The following PTPRM variants were observed in gnomAD, a reference collection of about 807,000 sequenced individuals.
PTPRM encodes protein tyrosine phosphatase receptor type M.
PTPRM carries 47 observed loss-of-function variants against 186.7 expected under a neutral mutation model. That is an observed-to-expected ratio of 0.25 (90% CI 0.20 to 0.32). The LOEUF (loss-of-function observed/expected upper bound fraction) is 0.32. Ranked by LOEUF, PTPRM falls within the 10% of genes least tolerant of loss-of-function variation. PTPRM has a pLI of 1.00. For synonymous variants in PTPRM, 668 were observed against 674.9 expected, an observed-to-expected ratio of 0.99 and a Z score of 0.16; for missense variants, 1,494 against 1,865.0, an observed-to-expected ratio of 0.80 and a Z score of 3.66.
intron 9 of PTPRM, among the ~76,000 whole-genome samples, chr18:8,080,706 A>T (rs1300409001): frequency 6.6e-6 from 1 of 152,170 alleles, no homozygotes; most frequent in East Asian, 1.9e-4. Context: ...TTTAGGGGCC[A>T]TGTTAAGAAG....
chr18:7,675,478 A>G (rs1330302680), intron 1 of PTPRM, among the ~76,000 whole-genome samples: 3 of 152,172 alleles, frequency 2.0e-5, no homozygotes, highest in Admixed American at 2.0e-4. Context: ...GATGGAAACA[A>G]AAATGGACAT....
At chr18:7,676,376 AGGGTGTT>A (rs1598350810) in intron 1 of PTPRM, among the ~76,000 whole-genome samples, 1 of 152,098 alleles carries the variant, frequency 6.6e-6, no homozygotes, top group Non-Finnish European at 1.5e-5. Flanking sequence ...CTCTTCTTCT[AGGGTGTT>A]GGTGAGCTTT....
In PTPRM at chr18:7,567,638, C is replaced by T. The variant is rs1185521172; in HGVS notation, c.-181C>T. The T allele has an allele frequency of 5.7e-6, 3 of 523,140 alleles. No homozygotes were observed. Among genetic ancestry groups the T allele is most frequent in the African/African-American group, 2.0e-5 (1 of 49,146 alleles). The allele number at this position is 523,140 out of a possible 1,614,324, so 32.4% of individuals were successfully genotyped here. ...GGAGGAGGACCCAGGACCCTGTGCC[C>T]GCGCCCCTGGAGCCGCTGGAGTTCG... On this transcript the variant is annotated 5_prime_UTR_variant, in exon 1 of 33. Coordinates refer to ENST00000580170, the MANE Select transcript of PTPRM (RefSeq NM_001105244.2). The surrounding 1 kb of genome is among the most constrained non-coding windows in gnomAD (Gnocchi z 4.3).
intron 7 of PTPRM, among the ~76,000 whole-genome samples, chr18:8,034,976 G>T (rs1196447146): frequency 1.3e-5 from 2 of 152,100 alleles, no homozygotes; most frequent in African/African-American, 4.8e-5. Context: ...CTTATTCCTG[G>T]CTTCTGCTGA....
At chr18:8,246,466 T>C (rs996730887) in intron 15 of PTPRM, among the ~76,000 whole-genome samples, 3 of 152,194 alleles carry the variant, frequency 2.0e-5, no homozygotes, top group Non-Finnish European at 4.4e-5. Context: ...GGAATGGGTT[T>C]AGTTTTTATG....
At chr18:7,853,422 T>C (rs180928080) in intron 2 of PTPRM, among the ~76,000 whole-genome samples, 2 of 152,320 alleles carry the variant, frequency 1.3e-5, no homozygotes, top group East Asian at 3.9e-4. Context: ...AAGTCTGGAA[T>C]GGGTAGTAAG....
At chr18:8,117,738 T>G (rs2092010696) in intron 13 of PTPRM, among the ~76,000 whole-genome samples, 1 of 152,166 alleles carries the variant, frequency 6.6e-6, no homozygotes, top group Admixed American at 6.5e-5. Context: ...TCACAGAATA[T>G]TCTCTCTTGA....
chr18:8,378,473 A>G (rs2095710312), intron 27 of PTPRM, 59 bp downstream of exon 27: 1 of 1,578,906 alleles, frequency 6.3e-7, no homozygotes, highest in South Asian at 1.2e-5. Context: ...GAAGGATTTC[A>G]AGGTCAGCAC....
intron 1 of PTPRM, chr18:7,748,932 A>G (rs2041078018): frequency 6.6e-6 from 1 of 152,244 alleles, no homozygotes; most frequent in African/African-American, 2.4e-5. Context: ...TAAAAAGTTT[A>G]GACCAATTTG....
chr18:7,838,704 A>G (rs2046179377), intron 2 of PTPRM, among the ~76,000 whole-genome samples: 1 of 152,210 alleles, frequency 6.6e-6, no homozygotes, highest in African/African-American at 2.4e-5. Context: ...TTGGGGCTCT[A>G]CAGTCAGCAG....
chr18:7,680,635 A>G (rs1379590526), intron 1 of PTPRM, among the ~76,000 whole-genome samples: 1 of 152,154 alleles, frequency 6.6e-6, no homozygotes, highest in Non-Finnish European at 1.5e-5. Flanking sequence ...GTGTATGGGA[A>G]ATGTTTCTTT....
chr18:7,716,500 A>G (rs529085228), intron 1 of PTPRM, among the ~76,000 whole-genome samples: 1 of 152,306 alleles, frequency 6.6e-6, no homozygotes, highest in Non-Finnish European at 1.5e-5. Flanking sequence ...ATCTAATTAA[A>G]CTAAAGAGCT....
At chr18:8,270,758 G>A (rs1465181943) in intron 19 of PTPRM, among the ~76,000 whole-genome samples, 2 of 152,138 alleles carry the variant, frequency 1.3e-5, no homozygotes, top group Non-Finnish European at 2.9e-5. Context: ...GTCAGAGAAA[G>A]ATAAACACTG....
At chr18:7,809,721 G>A (rs1331407218) in intron 2 of PTPRM, among the ~76,000 whole-genome samples, 1 of 152,054 alleles carries the variant, frequency 6.6e-6, no homozygotes, top group Non-Finnish European at 1.5e-5. Context: ...TAAATGCTCT[G>A]GATACCTGAG....
rs769090976 is a variant in PTPRM at position 7,781,415 on chromosome 18, T to C, written c.196+7144T>C. Among the ~76,000 whole-genome samples the C allele has an allele frequency of 7.7e-4, 117 of 152,246 alleles. 1 individual carries two copies. The highest frequency in any genetic ancestry group is 8.8e-5 in the Non-Finnish European group (6 of 68,048). ...GATTTTTTAAGTTGTAAAAAATTAA[T>C]GTTGAATCTGCAAACAATCAAATAC... On this transcript the variant is annotated intron_variant, in intron 2 of 32. Coordinates refer to ENST00000580170, the MANE Select transcript of PTPRM (RefSeq NM_001105244.2).
chr18:8,261,672 G>T (rs939632198), intron 19 of PTPRM, among the ~76,000 whole-genome samples: 3 of 151,978 alleles, frequency 2.0e-5, no homozygotes, highest in Admixed American at 2.0e-4. Context: ...GTTTTCGTTT[G>T]CCCTTGCCTC....
intron 5 of PTPRM, among the ~76,000 whole-genome samples, chr18:7,944,414 TCA>T (rs1330338138): frequency 2.6e-5 from 4 of 152,232 alleles, no homozygotes; most frequent in African/African-American, 9.6e-5. Context: ...TCAGTTGGAC[TCA>T]CACCGTATCT....
At chr18:7,823,171 C>G (rs754091817) in intron 2 of PTPRM, among the ~76,000 whole-genome samples, 16 of 152,190 alleles carry the variant, frequency 1.1e-4, no homozygotes, top group Admixed American at 2.0e-4. Context: ...AGGATGCTTA[C>G]AAAGCTTCCC....
At chr18:8,349,916 G>C (rs2148314085) in intron 23 of PTPRM, among the ~76,000 whole-genome samples, 1 of 152,306 alleles carries the variant, frequency 6.6e-6, no homozygotes, top group Admixed American at 6.5e-5. Flanking sequence ...GGTCACCCCA[G>C]CATCCACAGT....
Sources: gnomAD v4.1 joint callset for allele counts (sites outside exome capture counted in the v4.1 genomes callset) on GRCh38, gnomAD v4.1.1 for gene constraint, Gnocchi (gnomAD v3.1) non-coding constraint, MANE v1.5 for transcripts, NCBI Gene and HGNC (gene_info 2026-07-23, HGNC 2026-07-21) for gene names.